Variants in EML5 observed in about 807,000 individuals in gnomAD.
EML5 encodes the protein echinoderm microtubule-associated protein-like 5.
A neutral mutation model predicts 250.0 loss-of-function variants in EML5; 120 were observed. That is an observed-to-expected ratio of 0.48 (90% CI 0.41 to 0.56). The LOEUF is 0.56. Ranked by LOEUF, EML5 falls within the 20% of genes least tolerant of loss-of-function variation. The probability of loss-of-function intolerance (pLI) is 0.00; values close to 1 mark genes in which losing one functional copy is unlikely to be tolerated. For missense variants in EML5, 2,006 were observed against 2,437.6 expected, an observed-to-expected ratio of 0.82 and a Z score of 3.73; for synonymous variants, 771 against 806.5, an observed-to-expected ratio of 0.96 and a Z score of 0.75.
At chr14:88,694,578 C>T (rs527550705) in intron 16 of EML5, among the ~76,000 whole-genome samples, 171 bp from the exon 17 acceptor site, 1 of 152,292 alleles carries the variant, frequency 6.6e-6, no homozygotes, top group Non-Finnish European at 1.5e-5. Flanking sequence ...AATATGGTAA[C>T]TCTGCTCAAG....
chr14:88,788,763 G>T (rs918713882), intron 1 of EML5, among the ~76,000 whole-genome samples: 1 of 151,960 alleles, frequency 6.6e-6, no homozygotes, highest in African/African-American at 2.4e-5. Context: ...AATTTGAAAA[G>T]ATATTGCACT....
intron 6 of EML5, among the ~76,000 whole-genome samples, chr14:88,737,107 G>C (rs545640021): frequency 2.0e-5 from 3 of 152,144 alleles, no homozygotes; most frequent in African/African-American, 7.2e-5. Context: ...TTTCTTCTTG[G>C]ATGTGGGACA....
intron 1 of EML5, among the ~76,000 whole-genome samples, chr14:88,791,160 T>C (rs2094602598): frequency 6.6e-6 from 1 of 152,192 alleles, no homozygotes; most frequent in Non-Finnish European, 1.5e-5. Flanking sequence ...ATATTATAGA[T>C]GTACAGAGAC....
At chr14:88,656,471 G>A (rs529099790) in intron 27 of EML5, among the ~76,000 whole-genome samples, 1 of 152,284 alleles carries the variant, frequency 6.6e-6, no homozygotes, top group African/African-American at 2.4e-5. Context: ...CTGTCAGGGA[G>A]TGGGGAGCTA....
rs141281002 is a variant in EML5 at position 88,770,142 on chromosome 14, C to G, written c.198-15471G>C. On this transcript the variant is annotated intron_variant, in intron 1 of 43. Coordinates refer to ENST00000554922, the MANE Select transcript of EML5 (RefSeq NM_183387.3). Reference sequence around the variant, plus strand: ...TCTCTTTTTACTTACAGTCATTTTGCAGTTTTGGTATTCTCTGTTTAAGTA... The same window carrying G: ...TCTCTTTTTACTTACAGTCATTTTGGAGTTTTGGTATTCTCTGTTTAAGTA... Among the ~76,000 whole-genome samples, 87 of 152,100 alleles carry G rather than the reference C, an allele frequency of 5.7e-4. 1 individual carries two copies. Among genetic ancestry groups the G allele is most frequent in the African/African-American group, 1.9e-3 (80 of 41,510 alleles).
At position 88,696,950 on chromosome 14, in the gene EML5, A is replaced by G; in HGVS notation, c.2241T>C (p.Val747=). 1 of 1,558,436 alleles carries G rather than the reference A, an allele frequency of 6.4e-7. No homozygotes were observed. Among genetic ancestry groups the G allele is most frequent in the African/African-American group, 1.4e-5 (1 of 72,984 alleles). ...PLKDYVATGQ[V]GRDPSIHIWD... is the part of the protein sequence containing the mutation. ...ATATATGAATTGAGGGATCTCTACC[A>G]ACCTAAAATAGAATTATAGAAGCTA... The change falls in exon 15 of 44, where the codon GTT becomes GTC. Residue 747 remains valine, a splice_region_variant and synonymous_variant. Coordinates refer to ENST00000554922, the MANE Select transcript of EML5 (RefSeq NM_183387.3).
chr14:88,682,371 A>G (rs1372580194), intron 20 of EML5, among the ~76,000 whole-genome samples: 1 of 151,948 alleles, frequency 6.6e-6, no homozygotes, highest in African/African-American at 2.4e-5. Flanking sequence ...GAGGAGCTCC[A>G]CAGACCTGCT....
intron 16 of EML5, 70 bp downstream of exon 16, chr14:88,695,291 A>T: frequency 1.6e-6 from 2 of 1,262,778 alleles, no homozygotes; most frequent in South Asian, 2.9e-5. Context: ...AAATTCTTTT[A>T]ATTAAAAATT....
chr14:88,638,954 A>G, intron 31 of EML5, 47 bp from the exon 32 acceptor site: 1 of 1,428,320 alleles, frequency 7.0e-7, no homozygotes, highest in Non-Finnish European at 9.5e-7. Context: ...TTAAGATGTA[A>G]CAGCCAAAAG....
chr14:88,621,200 G>C lies in EML5; in HGVS notation c.5115C>G (p.Ile1705Met). The C allele has an allele frequency of 6.2e-7, 1 of 1,613,898 alleles. No individual in the cohort carries two copies. The highest frequency in any genetic ancestry group is 8.5e-7 in the Non-Finnish European group (1 of 1,179,870). ...ILVNGHVDGP[I>M]WGLATHPSRD... ...TGGAAGGATGTGTTGCTAGTCCCCA[G>C]ATTGGCCCATCCACATGACCGTTAA... The change falls in exon 38 of 44, where the codon ATC (isoleucine) becomes ATG (methionine). Residue 1705 changes from isoleucine (I) to methionine (M), a missense_variant. Transcript: ENST00000554922.
intron 8 of EML5, among the ~76,000 whole-genome samples, chr14:88,726,113 AAAG>A (rs2093662939): frequency 1.3e-5 from 2 of 152,208 alleles, no homozygotes; most frequent in African/African-American, 2.4e-5. Context: ...TACTCAAACA[AAAG>A]AAGAGATGGA....
At chr14:88,761,403 A>G (rs2094240787) in intron 1 of EML5, among the ~76,000 whole-genome samples, 1 of 152,038 alleles carries the variant, frequency 6.6e-6, no homozygotes, top group South Asian at 2.1e-4. Flanking sequence ...CCCTGTGCCC[A>G]TATGTTCTCA....
chr14:88,676,195 G>A (rs1009020937), intron 21 of EML5, among the ~76,000 whole-genome samples: 10 of 152,134 alleles, frequency 6.6e-5, no homozygotes. Context: ...CCACTTTACT[G>A]TATTAGTCCG....
chr14:88,780,301 A>T (rs1396060434), intron 1 of EML5, among the ~76,000 whole-genome samples: 1 of 152,128 alleles, frequency 6.6e-6, no homozygotes, highest in African/African-American at 2.4e-5. Flanking sequence ...TCTTTGTTCT[A>T]GGCTATTTTT....
At chr14:88,726,812 C>A in intron 7 of EML5, 134 bp from the exon 8 acceptor site, 3 of 662,236 alleles carry the variant, frequency 4.5e-6, no homozygotes, top group Non-Finnish European at 7.2e-6. Flanking sequence ...GCAAGAAATT[C>A]TTATCTATGA....
chr14:88,647,906 T>C (rs1435201926), intron 28 of EML5, among the ~76,000 whole-genome samples: 3 of 152,074 alleles, frequency 2.0e-5, no homozygotes, highest in Non-Finnish European at 1.5e-5. Flanking sequence ...GGCACTAAAA[T>C]GTTAATTTAA....
intron 27 of EML5, 39 bp from the exon 28 acceptor site, chr14:88,649,965 A>G: frequency 1.4e-6 from 2 of 1,424,150 alleles, no homozygotes; most frequent in Non-Finnish European, 1.9e-6. Context: ...AGGAAAACAT[A>G]TAAAAATTGA....
intron 14 of EML5, 41 bp from the exon 15 acceptor site, chr14:88,696,993 AT>A (rs1357577347): frequency 1.6e-6 from 2 of 1,252,796 alleles, no homozygotes; most frequent in Non-Finnish European, 2.2e-6. Context: ...CAATTAAATT[AT>A]TTATTTCCAT....
At chr14:88,717,400 C>A (rs1181722397) in intron 8 of EML5, among the ~76,000 whole-genome samples, 1 of 152,106 alleles carries the variant, frequency 6.6e-6, no homozygotes, top group Non-Finnish European at 1.5e-5. Flanking sequence ...GATTTTTGGC[C>A]TTAATTTGTG....
Sources: allele counts gnomAD v4.1 joint callset (sites outside exome capture counted in the v4.1 genomes callset), GRCh38; gene constraint gnomAD v4.1.1; transcripts MANE v1.5; gene names NCBI Gene and HGNC (gene_info 2026-07-23, HGNC 2026-07-21).